The following LIN7A variants were observed in gnomAD, a reference collection of about 807,000 sequenced individuals.
The protein encoded by LIN7A is protein lin-7 homolog A.
Under a neutral mutation model 29.8 loss-of-function variants are expected in LIN7A, and 25 were observed. That is an observed-to-expected ratio of 0.84 (90% CI 0.61 to 1.17). The LOEUF (loss-of-function observed/expected upper bound fraction) is 1.17. Among genes scored for constraint, LIN7A ranks in the 50% most tolerant of loss-of-function variants. The pLI, the probability that LIN7A is intolerant of heterozygous loss-of-function variation, is 0.00. For missense variants in LIN7A, 239 were observed against 287.0 expected (o/e 0.83, Z 1.21); for synonymous variants, 118 against 107.5 (o/e 1.10, Z -0.60).
intron 2 of LIN7A, among the ~76,000 whole-genome samples, chr12:80,883,873 C>T (rs1259105426): frequency 2.6e-5 from 4 of 152,304 alleles, no homozygotes; most frequent in Admixed American, 2.6e-4. Flanking sequence ...GGTGACCTTT[C>T]CCACATAGCC....
intron 1 of LIN7A, among the ~76,000 whole-genome samples, chr12:80,911,294 G>A (rs1216714616): frequency 7.1e-6 from 1 of 140,042 alleles, no homozygotes; most frequent in East Asian, 2.0e-4. Context: ...TTTTTTTGGT[G>A]GGGAGAAGAT....
At chr12:80,842,621 C>T (rs565652255) in intron 4 of LIN7A, among the ~76,000 whole-genome samples, 1 of 135,174 alleles carries the variant, frequency 7.4e-6, no homozygotes, top group East Asian at 2.0e-4. Flanking sequence ...TTGGCCTTTC[C>T]ATTACAGATT....
intron 2 of LIN7A, among the ~76,000 whole-genome samples, chr12:80,870,666 CA>C (rs1156792493): frequency 1.3e-5 from 2 of 152,130 alleles, no homozygotes; most frequent in African/African-American, 4.8e-5. Context: ...TGGGAGACCA[CA>C]AAGGGGTAGA....
intron 5 of LIN7A, among the ~76,000 whole-genome samples, chr12:80,807,569 A>C (rs1565884251): frequency 6.6e-6 from 1 of 152,204 alleles, no homozygotes; most frequent in Non-Finnish European, 1.5e-5. Context: ...CTATGGACCA[A>C]TGTGGCAAAT....
intron 4 of LIN7A, among the ~76,000 whole-genome samples, chr12:80,840,269 G>T (rs893996021): frequency 6.6e-6 from 1 of 152,156 alleles, no homozygotes; most frequent in East Asian, 1.9e-4. Flanking sequence ...TTAAACCAGC[G>T]AATTGGAATT....
intron 1 of LIN7A, among the ~76,000 whole-genome samples, chr12:80,915,356 G>T (rs1388301877): frequency 6.6e-6 from 1 of 151,980 alleles, no homozygotes; most frequent in Non-Finnish European, 1.5e-5. Context: ...TTGTTAAAAA[G>T]TCAAAAAAAT....
intron 2 of LIN7A, among the ~76,000 whole-genome samples, chr12:80,883,622 A>G (rs1875181522): frequency 6.6e-6 from 1 of 152,192 alleles, no homozygotes; most frequent in African/African-American, 2.4e-5. Context: ...TAATGATAAA[A>G]TCCATTGATT....
chr12:80,829,564 T>C (rs1258120061), intron 4 of LIN7A, among the ~76,000 whole-genome samples: 2 of 152,182 alleles, frequency 1.3e-5, no homozygotes, highest in Non-Finnish European at 2.9e-5. Context: ...ACTTCATGTT[T>C]AAAATTTTGC....
intron 1 of LIN7A, among the ~76,000 whole-genome samples, chr12:80,921,837 T>G (rs1166639505): frequency 2.6e-5 from 4 of 152,216 alleles, no homozygotes; most frequent in Non-Finnish European, 2.9e-5. Context: ...AAGAAATTAA[T>G]GTCTGCCTGG....
intron 4 of LIN7A, among the ~76,000 whole-genome samples, chr12:80,822,371 A>C (rs1871848739): frequency 6.6e-6 from 1 of 152,204 alleles, no homozygotes; most frequent in Non-Finnish European, 1.5e-5. Flanking sequence ...CAGACTGGCC[A>C]ACATGGTGAA....
chr12:80,889,033 C>A (rs1387307775), intron 2 of LIN7A, among the ~76,000 whole-genome samples: 1 of 151,950 alleles, frequency 6.6e-6, no homozygotes, highest in Non-Finnish European at 1.5e-5. Context: ...TTCATTGGTA[C>A]CAGAAGATCA....
At chr12:80,909,704 G>A (rs371594162) in intron 1 of LIN7A, among the ~76,000 whole-genome samples, 5 of 152,070 alleles carry the variant, frequency 3.3e-5, no homozygotes, top group African/African-American at 1.2e-4. Context: ...CCTCCTAATA[G>A]TACGGCCTTG....
chr12:80,891,243 C>T (rs1337497477), intron 1 of LIN7A, among the ~76,000 whole-genome samples: 1 of 152,204 alleles, frequency 6.6e-6, no homozygotes, highest in East Asian at 1.9e-4. Flanking sequence ...CCATCTGCCA[C>T]ATTGCTTCCA....
chr12:80,918,824 A>G (rs1054198296), intron 1 of LIN7A, among the ~76,000 whole-genome samples: 6 of 150,954 alleles, frequency 4.0e-5, no homozygotes, highest in Non-Finnish European at 8.9e-5. Context: ...GTCATGGACT[A>G]CATAACATTT....
At chr12:80,811,187 A>G (rs1007810150) in intron 5 of LIN7A, among the ~76,000 whole-genome samples, 1 of 152,146 alleles carries the variant, frequency 6.6e-6, no homozygotes, top group Non-Finnish European at 1.5e-5. Context: ...TAGAGCCTGT[A>G]CTTGCCCCTT....
chr12:80,926,097 G>T (rs978785574), intron 1 of LIN7A, among the ~76,000 whole-genome samples: 9 of 152,088 alleles, frequency 5.9e-5, no homozygotes, highest in African/African-American at 2.2e-4. Flanking sequence ...AGAATCTCAT[G>T]GTGTAGCTTT....
At chr12:80,810,496 T>A (rs1871236178) in intron 5 of LIN7A, among the ~76,000 whole-genome samples, 1 of 151,758 alleles carries the variant, frequency 6.6e-6, no homozygotes. Context: ...ATTCATCCCT[T>A]GATAGCACTT....
At chr12:80,904,241 C>CTATGA (rs1565923121) in intron 1 of LIN7A, among the ~76,000 whole-genome samples, 1 of 152,070 alleles carries the variant, frequency 6.6e-6, no homozygotes, top group Non-Finnish European at 1.5e-5. Context: ...CATGCACATA[C>CTATGA]TATGGAATGG....
At position 80,928,154 on chromosome 12, in the gene LIN7A, G is replaced by A. The variant is rs368046777; in HGVS notation, c.82+9487C>T. 2.0e-4 allele frequency among the ~76,000 whole-genome samples: 31 copies of A among 152,240 alleles called. No homozygotes were observed. The East Asian group carries it at 5.8e-3, about 28-fold the overall frequency. ...CCAAGTCTTTGCTGTTGTGAATAGTGCTGCAATAAACATACATGTGCATGT... is the reference window on the plus strand; with the variant it reads ...CCAAGTCTTTGCTGTTGTGAATAGTACTGCAATAAACATACATGTGCATGT... On this transcript the variant is annotated intron_variant, in intron 1 of 5. Transcript: ENST00000552864.
Sources: allele counts gnomAD v4.1 joint callset (sites outside exome capture counted in the v4.1 genomes callset), GRCh38; gene constraint gnomAD v4.1.1; transcripts MANE v1.5; gene names NCBI Gene and HGNC (gene_info 2026-07-23, HGNC 2026-07-21).